The following NT5DC1 variants were observed in gnomAD, a reference collection of about 807,000 sequenced individuals.
NT5DC1 encodes the protein 5'-nucleotidase domain-containing protein 1.
In NT5DC1, 42 loss-of-function variants were observed where a neutral mutation model predicts 59.4. That is an observed-to-expected ratio of 0.71 (90% CI 0.55 to 0.92). The LOEUF (loss-of-function observed/expected upper bound fraction) is 0.92. Ranked by LOEUF, NT5DC1 falls within the 40% of genes least tolerant of loss-of-function variation. NT5DC1 has a pLI of 0.00. For missense variants in NT5DC1, 501 were observed against 537.1 expected, an observed-to-expected ratio of 0.93 and a Z score of 0.66; for synonymous variants, 172 against 188.1, an observed-to-expected ratio of 0.91 and a Z score of 0.70.
chr6:116,120,357 C>G, intron 6 of NT5DC1: 1 of 1,614,206 alleles, frequency 6.2e-7, no homozygotes, highest in South Asian at 1.1e-5. Context: ...GTAAAGATTC[C>G]AGTCCTTGGG....
At chr6:116,198,380 C>T (rs935250984) in intron 6 of NT5DC1, among the ~76,000 whole-genome samples, 3 of 152,006 alleles carry the variant, frequency 2.0e-5, no homozygotes, top group African/African-American at 7.2e-5. Context: ...TCATGCCCTG[C>T]TTGACTCAAG....
intron 6 of NT5DC1, among the ~76,000 whole-genome samples, chr6:116,177,569 G>A (rs1003351216): frequency 1.3e-5 from 2 of 152,076 alleles, no homozygotes; most frequent in Admixed American, 6.6e-5. Context: ...ATGATAAAAT[G>A]TATTTAGAAG....
chr6:116,101,157 C>A (rs1040612219), intron 1 of NT5DC1, 134 bp downstream of exon 1: 1 of 635,396 alleles, frequency 1.6e-6, no homozygotes, highest in Non-Finnish European at 2.6e-6. Flanking sequence ...AGAGCGCGGC[C>A]TCCAGCGGCG....
chr6:116,137,379 C>G lies in NT5DC1; in HGVS notation c.529+19434C>G, dbSNP rs547974314. The G allele has an allele frequency of 1.6e-4, 26 of 158,378 alleles. No homozygotes were observed. The South Asian group carries it at 4.8e-3, about 29-fold the overall frequency. 9.8% of individuals were successfully genotyped at this position (158,378 alleles called of 1,614,324 possible). A position where few individuals can be genotyped will look rare whatever the true frequency, so the allele number is the denominator to read the frequency against. The stretch of plus-strand genomic sequence containing the variant: ...AAACTTGTAGGTTTTGGTGAATTTT[C>G]TGAAGCAGGTCACAGGGAAATCAGA... On this transcript the variant is annotated intron_variant, in intron 6 of 11. Transcript: ENST00000319550.
intron 6 of NT5DC1, chr6:116,121,076 C>T (rs1337593662): frequency 6.2e-7 from 1 of 1,614,042 alleles, no homozygotes; most frequent in East Asian, 2.2e-5. Context: ...GCCTTTTGGT[C>T]CTTGGGGTCC....
At chr6:116,209,022 C>A (rs1420199394) in intron 6 of NT5DC1, among the ~76,000 whole-genome samples, 1 of 151,978 alleles carries the variant, frequency 6.6e-6, no homozygotes, top group Admixed American at 6.6e-5. Context: ...ATTCACTCTG[C>A]TCAGAGACTG....
rs764240666 is a variant in NT5DC1 at position 116,117,897 on chromosome 6, G to A, written c.481G>A (p.Asp161Asn). ...NGQKTFDFWK[D>N]IVAAIQHNYK... ...TCAAAAAACATTTGATTTTTGGAAG[G>A]ATATAGTTGCTGCTATACAACACAA... The change falls in exon 6 of 12, where the codon GAT becomes AAT. Residue 161 changes from aspartate to asparagine, a missense_variant. Coordinates refer to ENST00000319550, the MANE Select transcript of NT5DC1 (RefSeq NM_152729.3). 170 of 1,588,682 alleles carry A rather than the reference G, an allele frequency of 1.1e-4. No individual in the cohort carries two copies. Among genetic ancestry groups the A allele is most frequent in the Non-Finnish European group, 1.4e-4 (165 of 1,157,686 alleles).
At chr6:116,241,210 C>T (rs775577432) in intron 11 of NT5DC1, among the ~76,000 whole-genome samples, 3 of 151,258 alleles carry the variant, frequency 2.0e-5, no homozygotes, top group Admixed American at 1.3e-4. Context: ...GTCCAGAAAC[C>T]TGCACTAAAG....
intron 6 of NT5DC1, among the ~76,000 whole-genome samples, chr6:116,148,320 A>G (rs1001766969): frequency 1.3e-5 from 2 of 152,282 alleles, no homozygotes; most frequent in Admixed American, 1.3e-4. Context: ...TATTTTTAAA[A>G]ATCCTTACAA....
At chr6:116,232,789 G>A (rs1182553569) in intron 8 of NT5DC1, among the ~76,000 whole-genome samples, 1 of 152,076 alleles carries the variant, frequency 6.6e-6, no homozygotes, top group Non-Finnish European at 1.5e-5. Flanking sequence ...AACTCGTCTT[G>A]TCCATATGTT....
chr6:116,240,495 A>T (rs1398096671), intron 11 of NT5DC1, among the ~76,000 whole-genome samples: 1 of 152,184 alleles, frequency 6.6e-6, no homozygotes, highest in Non-Finnish European at 1.5e-5. Context: ...TTTGGTATCC[A>T]CAGGGGTCCC....
intron 1 of NT5DC1, among the ~76,000 whole-genome samples, chr6:116,104,526 A>G (rs1270168156): frequency 1.3e-5 from 2 of 152,222 alleles, no homozygotes; most frequent in Non-Finnish European, 2.9e-5. Flanking sequence ...TTGTGCAAGC[A>G]GGTAAACTGC....
At chr6:116,177,620 T>C (rs1206184994) in intron 6 of NT5DC1, among the ~76,000 whole-genome samples, 1 of 152,212 alleles carries the variant, frequency 6.6e-6, no homozygotes, top group Non-Finnish European at 1.5e-5. Context: ...TGTTTTCCAG[T>C]GCTCTTATAC....
chr6:116,215,333 T>G (rs575811855), intron 6 of NT5DC1, among the ~76,000 whole-genome samples: 1 of 152,278 alleles, frequency 6.6e-6, no homozygotes, highest in East Asian at 1.9e-4. Flanking sequence ...TTTATTTTAC[T>G]TTGTCTATAC....
chr6:116,100,940 C>A lies in NT5DC1; in HGVS notation c.10C>A (p.His4Asn). Residue 4 changes from histidine (H) to asparagine (N), a missense_variant, in exon 1 of 12, where the codon CAC becomes AAC. Physicochemically the swap from His to Asn is moderately conservative, Grantham distance 68. Transcript: ENST00000319550. Reference sequence around the variant, plus strand: ...TGCTCCCCGCGCAGCCATGGCTCAGCACTTCTCCCTGGCCGCCTGCGACGT... The same window carrying A: ...TGCTCCCCGCGCAGCCATGGCTCAGAACTTCTCCCTGGCCGCCTGCGACGT... MAQHFSLAACDVVG... is the reference protein window; with the variant it reads MAQNFSLAACDVVG... The A allele has an allele frequency of 6.2e-7, 1 of 1,603,220 alleles. No individual in the cohort carries two copies. Among genetic ancestry groups the A allele is most frequent in the Non-Finnish European group, 8.5e-7 (1 of 1,176,166 alleles).
chr6:116,133,820 T>A (rs1406774713), intron 6 of NT5DC1, among the ~76,000 whole-genome samples: 1 of 152,182 alleles, frequency 6.6e-6, no homozygotes, highest in East Asian at 1.9e-4. Context: ...GTTTCCTCTT[T>A]GCCTGCTTTC....
intron 4 of NT5DC1, 144 bp downstream of exon 4, chr6:116,111,100 T>A: frequency 1.6e-6 from 1 of 614,520 alleles, no homozygotes; most frequent in Non-Finnish European, 2.9e-6. Context: ...AGCAATAGGA[T>A]GTATTTTTTC....
At chr6:116,240,361 A>G (rs1363061988) in intron 11 of NT5DC1, among the ~76,000 whole-genome samples, 1 of 152,250 alleles carries the variant, frequency 6.6e-6, no homozygotes, top group Non-Finnish European at 1.5e-5. Flanking sequence ...TATAATAACT[A>G]TTTACATAGC....
chr6:116,194,811 C>G (rs1781191379), intron 6 of NT5DC1, among the ~76,000 whole-genome samples: 1 of 151,960 alleles, frequency 6.6e-6, no homozygotes, highest in South Asian at 2.1e-4. Flanking sequence ...AGGTATGGAG[C>G]TAGAACCTAT....
Sources: allele counts gnomAD v4.1 joint callset (sites outside exome capture counted in the v4.1 genomes callset), GRCh38; gene constraint gnomAD v4.1.1; transcripts MANE v1.5; gene names NCBI Gene and HGNC (gene_info 2026-07-23, HGNC 2026-07-21).